Variants in LHFPL2 observed in about 807,000 individuals in gnomAD.
LHFPL2 encodes the protein LHFPL tetraspan subfamily member 2 protein.
Under a neutral mutation model 17.5 loss-of-function variants are expected in LHFPL2, and 7 were observed. The ratio of observed to expected loss-of-function variants is 0.40; its 90% CI spans 0.23 to 0.75. The LOEUF is 0.75. LHFPL2 is among the 30% of genes least tolerant of loss of function. The pLI, the probability that LHFPL2 is intolerant of heterozygous loss-of-function variation, is 0.37. For synonymous variants in LHFPL2, 134 were observed against 116.2 expected (o/e 1.15, Z -0.99); for missense variants, 241 against 294.8 (o/e 0.82, Z 1.34).
At chr5:78,554,782 A>G (rs1756529922) in intron 3 of LHFPL2, among the ~76,000 whole-genome samples, 2 of 152,132 alleles carry the variant, frequency 1.3e-5, no homozygotes, top group Non-Finnish European at 2.9e-5. Flanking sequence ...GATCTTGGGG[A>G]ATTGTGTGTC....
intron 2 of LHFPL2, among the ~76,000 whole-genome samples, chr5:78,571,549 A>T (rs1395805373): frequency 6.6e-6 from 1 of 152,100 alleles, no homozygotes; most frequent in African/African-American, 2.4e-5. Flanking sequence ...TCACATTTAC[A>T]AACTGTGGCT....
chr5:78,545,633 G>A (rs1335571313), intron 3 of LHFPL2, among the ~76,000 whole-genome samples: 2 of 152,172 alleles, frequency 1.3e-5, no homozygotes, highest in Admixed American at 6.5e-5. Flanking sequence ...CCGATCATTC[G>A]AGCCACCTGG....
intron 2 of LHFPL2, among the ~76,000 whole-genome samples, chr5:78,574,996 G>A (rs1396274581): frequency 1.3e-5 from 2 of 152,108 alleles, no homozygotes; most frequent in East Asian, 3.9e-4. Context: ...TAAAAGAATC[G>A]AGAGACGTAA....
At chr5:78,586,281 C>T (rs1012344512) in intron 2 of LHFPL2, among the ~76,000 whole-genome samples, 7 of 152,200 alleles carry the variant, frequency 4.6e-5, no homozygotes, top group African/African-American at 1.4e-4. Flanking sequence ...GTGAGGATTA[C>T]GTGAGATGAT....
intron 3 of LHFPL2, among the ~76,000 whole-genome samples, chr5:78,557,608 C>A (rs769219464): frequency 2.6e-5 from 4 of 152,220 alleles, no homozygotes; most frequent in Middle Eastern, 3.2e-3. Context: ...GCCTTCATTA[C>A]GTGAAAGAGA....
chr5:78,638,766 T>G (rs1221253564), intron 1 of LHFPL2, among the ~76,000 whole-genome samples: 1 of 152,148 alleles, frequency 6.6e-6, no homozygotes, highest in Non-Finnish European at 1.5e-5. Context: ...TATCAAAGAA[T>G]GACTTGTGGC....
chr5:78,558,812 C>T (rs1181419820), intron 3 of LHFPL2, among the ~76,000 whole-genome samples: 1 of 152,216 alleles, frequency 6.6e-6, no homozygotes, highest in African/African-American at 2.4e-5. Context: ...GGAAAACATG[C>T]ATTCTTCTTA....
chr5:78,585,035 C>T (rs1408637204), intron 2 of LHFPL2, among the ~76,000 whole-genome samples: 4 of 47,162 alleles, frequency 8.5e-5, no homozygotes, highest in Non-Finnish European at 1.7e-4. Flanking sequence ...GAGACGGAGT[C>T]TCGCTCTGTC....
intron 2 of LHFPL2, among the ~76,000 whole-genome samples, chr5:78,608,882 A>G (rs770280273): frequency 6.6e-6 from 1 of 151,874 alleles, no homozygotes; most frequent in Non-Finnish European, 1.5e-5. Flanking sequence ...CAGTGAGCCA[A>G]GACTGAGCCA....
chr5:78,644,429 C>A, intron 1 of LHFPL2: 1 of 689,818 alleles, frequency 1.4e-6, no homozygotes. Context: ...CATAAGGCTG[C>A]TTATCATCTG....
Position 78,510,139 on chromosome 5 carries a change from G to A in LHFPL2, c.75C>T (p.Leu25=), listed in dbSNP as rs977852377. The A allele has an allele frequency of 5.6e-6, 9 of 1,612,886 alleles. No individual in the cohort carries two copies. Among genetic ancestry groups the A allele is most frequent in the South Asian group, 1.1e-5 (1 of 91,058 alleles). ...GCCAGTCTGCACTCATGAAGGCAATGAGCTCGGCAAAAGCCACCACAATAC... is the reference window on the plus strand; with the variant it reads ...GCCAGTCTGCACTCATGAAGGCAATAAGCTCGGCAAAAGCCACCACAATAC... ...LLSIVVAFAE[L]IAFMSADWLI... is the part of the protein sequence containing the mutation. The change falls in exon 4 of 5, where the codon CTC becomes CTT. Residue 25 remains leucine (L), a synonymous_variant. Transcript: ENST00000380345.
intron 2 of LHFPL2, among the ~76,000 whole-genome samples, chr5:78,596,134 C>T (rs1433504565): frequency 1.3e-5 from 2 of 152,152 alleles, no homozygotes; most frequent in Admixed American, 6.6e-5. Context: ...ATAAGCAACC[C>T]TCATGACATC....
At chr5:78,491,482 A>G (rs1303389219) in intron 4 of LHFPL2, among the ~76,000 whole-genome samples, 6 of 152,152 alleles carry the variant, frequency 3.9e-5, no homozygotes, top group Non-Finnish European at 8.8e-5. Flanking sequence ...AAGGTCCTGA[A>G]CCACAGCAAT....
In LHFPL2 at chr5:78,648,353, G is replaced by C. The variant is rs1035778240; in HGVS notation, c.-350+146C>G. ...GCGCGGTCTCCCAGGGCGCCGAAGC[G>C]AAGTTCCCGCGCCAGCCGCGGCTCA... On this transcript the variant is annotated intron_variant, in intron 1 of 4. Coordinates refer to ENST00000380345, the MANE Select transcript of LHFPL2 (RefSeq NM_005779.3). The surrounding 1 kb of genome is among the most constrained non-coding windows in gnomAD (Gnocchi z 5.4). 1 of 152,112 alleles carries C rather than the reference G, an allele frequency of 6.6e-6. No individual in the cohort carries two copies. The highest frequency in any genetic ancestry group is 2.4e-5 in the African/African-American group (1 of 41,528). 9.4% of individuals were successfully genotyped at this position (152,112 alleles called of 1,614,324 possible). A position where few individuals can be genotyped will look rare whatever the true frequency, so the allele number is the denominator to read the frequency against.
At chr5:78,528,381 A>G (rs531328562) in intron 3 of LHFPL2, among the ~76,000 whole-genome samples, 1 of 152,344 alleles carries the variant, frequency 6.6e-6, no homozygotes, top group South Asian at 2.1e-4. Context: ...TTAGATTCTC[A>G]TAGGAGCACA....
chr5:78,639,045 T>C (rs1274200027), intron 1 of LHFPL2, among the ~76,000 whole-genome samples: 2 of 152,192 alleles, frequency 1.3e-5, no homozygotes, highest in South Asian at 2.1e-4. Context: ...GGACCAGAAG[T>C]CTAGTTTCCA....
intron 2 of LHFPL2, among the ~76,000 whole-genome samples, chr5:78,620,969 C>CT (rs34853039): frequency 1.6e-3 from 227 of 141,694 alleles, no homozygotes; most frequent in Middle Eastern, 3.6e-3. Flanking sequence ...TCTCAAACTC[C>CT]TTTTTTTTTT....
At chr5:78,578,731 G>A (rs1757199231) in intron 2 of LHFPL2, among the ~76,000 whole-genome samples, 1 of 152,156 alleles carries the variant, frequency 6.6e-6, no homozygotes, top group South Asian at 2.1e-4. Context: ...TGACTTTGCT[G>A]TCAGTTTTCT....
At chr5:78,610,082 G>A (rs2112484770) in intron 2 of LHFPL2, among the ~76,000 whole-genome samples, 1 of 152,204 alleles carries the variant, frequency 6.6e-6, no homozygotes, top group Middle Eastern at 3.4e-3. Flanking sequence ...TACCTAGCCT[G>A]CCAGGAGATG....
Sources: allele counts gnomAD v4.1 joint callset (sites outside exome capture counted in the v4.1 genomes callset), GRCh38; gene constraint gnomAD v4.1.1; non-coding constraint Gnocchi (gnomAD v3.1); transcripts MANE v1.5; gene names NCBI Gene and HGNC (gene_info 2026-07-23, HGNC 2026-07-21).